Variants in HPS6 observed in about 807,000 individuals in gnomAD.
HPS6 encodes the protein HPS6 biogenesis of lysosomal organelles complex 2 subunit 3, also known as BLOC-2 complex member HPS6.
A neutral mutation model predicts 53.6 loss-of-function variants in HPS6; 46 were observed. The ratio of observed to expected loss-of-function variants is 0.86; its 90% CI spans 0.68 to 1.10. HPS6 has a LOEUF of 1.10. Among genes scored for constraint, HPS6 ranks in the 50% least tolerant of loss-of-function variants. The pLI, the probability that HPS6 is intolerant of heterozygous loss-of-function variation, is 0.00. For synonymous variants in HPS6, 535 were observed against 470.8 expected (o/e 1.14, Z -1.77); for missense variants, 1,034 against 991.3 (o/e 1.04, Z -0.58).
Position 102,067,728 on chromosome 10 carries a change from C to A in HPS6, c.2254C>A (p.Pro752Thr), listed in dbSNP as rs367872565. The change falls in exon 1 of 1, where the codon CCA becomes ACA. Residue 752 changes from proline to threonine, a missense_variant. Physicochemically the swap from Pro to Thr is conservative, Grantham distance 38 (BLOSUM62 -1). Transcript: ENST00000299238. ...TGGGGCTCAAGGATGGCTGTCGGGC[C>A]CAGTTCTAAGCCCATATGAGGACAT... ...QTGAQGWLSG[P>T]VLSPYEDILW... 3.7e-6 allele frequency: 6 copies of A among 1,613,392 alleles called. No individual in the cohort carries two copies. The highest frequency in any genetic ancestry group is 5.1e-6 in the Non-Finnish European group (6 of 1,180,028).
rs2067982752 is a variant in HPS6, at chr10:102,067,729, C to G, written c.2255C>G (p.Pro752Arg). ...QTGAQGWLSG[P>R]VLSPYEDILW... ...GGGGCTCAAGGATGGCTGTCGGGCC[C>G]AGTTCTAAGCCCATATGAGGACATC... Residue 752 changes from proline (P) to arginine (R), a missense_variant, in exon 1 of 1, where the codon CCA becomes CGA. By Grantham distance (103) the Pro-to-Arg change is moderately radical. Coordinates refer to ENST00000299238, the MANE Select transcript of HPS6 (RefSeq NM_024747.6). The G allele has an allele frequency of 6.2e-7, 1 of 1,613,286 alleles. No individual in the cohort carries two copies. The highest frequency in any genetic ancestry group is 8.5e-7 in the Non-Finnish European group (1 of 1,180,050).
Position 102,066,157 on chromosome 10 carries a change from T to G in HPS6, c.683T>G (p.Val228Gly). 1.9e-6 allele frequency: 3 copies of G among 1,613,856 alleles called. No individual in the cohort carries two copies. Among genetic ancestry groups the G allele is most frequent in the Non-Finnish European group, 2.5e-6 (3 of 1,180,036 alleles). The part of the protein sequence containing the change: ...IWSPGKGKVM[V>G]AAPRLGLSYS... The stretch of plus-strand genomic sequence containing the variant: ...AGCCCAGGCAAGGGCAAAGTGATGG[T>G]GGCTGCCCCACGGCTTGGTCTCTCC... The change falls in exon 1 of 1, where the codon GTG becomes GGG. Residue 228 changes from valine to glycine, a missense_variant. Transcript: ENST00000299238.
chr10:102,066,533 A>G lies in HPS6; in HGVS notation c.1059A>G (p.Val353=). The G allele has an allele frequency of 6.2e-7, 1 of 1,614,166 alleles. No homozygotes were observed. Among genetic ancestry groups the G allele is most frequent in the Non-Finnish European group, 8.5e-7 (1 of 1,180,036 alleles). ...LERKVLSTDR[V]HLLEPPAPGM... is the part of the protein sequence containing the mutation. ...GGAAGGTCCTAAGTACAGACAGGGT[A>G]CATCTGCTAGAACCGCCAGCCCCCG... The change falls in exon 1 of 1, where the codon GTA becomes GTG. Residue 353 remains valine (V), a synonymous_variant. Transcript: ENST00000299238.
In HPS6 at chr10:102,066,224, C is replaced by T; in HGVS notation, c.750C>T (p.Asp250=). 1 of 1,613,896 alleles carries T rather than the reference C, an allele frequency of 6.2e-7. No individual in the cohort carries two copies. Among genetic ancestry groups the T allele is most frequent in the Non-Finnish European group, 8.5e-7 (1 of 1,180,024 alleles). The change falls in exon 1 of 1, where the codon GAC becomes GAT. Residue 250 remains aspartate (D), a synonymous_variant. Transcript: ENST00000299238. ...ATCCTGGACGAGGGGACACATGGGA[C>T]TTCCGGACCCTGCTCCGAGGCCTTC... ...SLNPGRGDTW[D]FRTLLRGLPG...
chr10:102,067,269 G>A lies in HPS6; in HGVS notation c.1795G>A (p.Gly599Ser), dbSNP rs1325797723. Residue 599 changes from glycine to serine, a missense_variant, in exon 1 of 1, where the codon GGC becomes AGC. By Grantham distance (56) the Gly-to-Ser change is moderately conservative (BLOSUM62 0). Transcript: ENST00000299238. ...QQGGPGWGAG[G>S]PGLPLYRRAL... is the part of the protein sequence containing the mutation. Reference sequence around the variant, plus strand: ...GGGCGGGCCGGGCTGGGGGGCAGGGGGCCCAGGACTGCCCCTGTATCGCCG... The same window carrying A: ...GGGCGGGCCGGGCTGGGGGGCAGGGAGCCCAGGACTGCCCCTGTATCGCCG... 1 of 1,612,880 alleles carries A rather than the reference G, an allele frequency of 6.2e-7. No individual in the cohort carries two copies. The highest frequency in any genetic ancestry group is 8.5e-7 in the Non-Finnish European group (1 of 1,179,820).
rs1194293687 is a variant in HPS6 at position 102,065,451 on chromosome 10, G to A, written c.-24G>A. The A allele has an allele frequency of 6.5e-7, 1 of 1,544,542 alleles. No homozygotes were observed. The highest frequency in any genetic ancestry group is 1.2e-5 in the South Asian group (1 of 84,034). The stretch of plus-strand genomic sequence containing the variant: ...GGCGGCTGGACCTGGGCAAAGCCTG[G>A]GCGCGCTCCCGCGCAGCGGCGCCAT... On this transcript the variant is annotated 5_prime_UTR_variant, in exon 1 of 1. Coordinates refer to ENST00000299238, the MANE Select transcript of HPS6 (RefSeq NM_024747.6).
rs2067959288 is a variant in HPS6 at position 102,065,383 on chromosome 10, T to C, written c.-92T>C. On this transcript the variant is annotated 5_prime_UTR_variant, in exon 1 of 1. Coordinates refer to ENST00000299238, the MANE Select transcript of HPS6 (RefSeq NM_024747.6). ...CCTCATCCACGGGAGACGGAAGTCT[T>C]GGCCCTGCTCCGCTCCCCCGAGAAT... The C allele has an allele frequency of 1.4e-5, 18 of 1,322,620 alleles. 1 individual carries two copies. The South Asian group carries it at 2.4e-4, about 17-fold the overall frequency. 81.9% of individuals were successfully genotyped at this position (1,322,620 alleles called of 1,614,324 possible).
At position 102,067,503 on chromosome 10, in the gene HPS6, G is replaced by A. The variant is rs373272114; in HGVS notation, c.2029G>A (p.Glu677Lys). 788 of 1,613,756 alleles carry A rather than the reference G, an allele frequency of 4.9e-4. 9 individuals are homozygous for A. The South Asian group carries it at 6.9e-3, about 14-fold the overall frequency. The stretch of plus-strand genomic sequence containing the variant: ...TGAAATCTTCAAACTGCTGCTGGCC[G>A]AGTTTGCCCAGCACCGCCGGCTTGA... ...RSEIFKLLLA[E>K]FAQHRRLDAH... Residue 677 changes from glutamate (E) to lysine (K), a missense_variant, in exon 1 of 1, where the codon GAG (glutamate) becomes AAG (lysine). Physicochemically the swap from Glu to Lys is moderately conservative, Grantham distance 56. Coordinates refer to ENST00000299238, the MANE Select transcript of HPS6 (RefSeq NM_024747.6).
At position 102,068,027 on chromosome 10, in the gene HPS6, G is replaced by A. The variant is rs561813907; in HGVS notation, c.*225G>A. ...GATGTGTGTGTTAAATATATACATA[G>A]TTTAATATATACACAGTTGTGTGTT... On this transcript the variant is annotated 3_prime_UTR_variant, in exon 1 of 1. Transcript: ENST00000299238. 9 of 632,782 alleles carry A rather than the reference G, an allele frequency of 1.4e-5. No homozygotes were observed. The highest frequency in any genetic ancestry group is 1.3e-4 in the African/African-American group (7 of 54,716). 39.2% of individuals were successfully genotyped at this position (632,782 alleles called of 1,614,324 possible).
In HPS6 at chr10:102,067,416, C is replaced by A; in HGVS notation, c.1942C>A (p.Gln648Lys). The change falls in exon 1 of 1, where the codon CAA becomes AAA. Residue 648 changes from glutamine (Q) to lysine (K), a missense_variant. Transcript: ENST00000299238. ...TGTCGGGCAGCTGGTGCAAAAGGAA[C>A]AATGGGATCGGGCTCTGGATGCTGG... The part of the protein sequence containing the change: ...QAVGQLVQKE[Q>K]WDRALDAGLA... The A allele has an allele frequency of 6.2e-7, 1 of 1,613,150 alleles. No homozygotes were observed. The highest frequency in any genetic ancestry group is 8.5e-7 in the Non-Finnish European group (1 of 1,180,026).
rs1206569478 is a variant in HPS6, at chr10:102,065,898, G to C, written c.424G>C (p.Glu142Gln). Residue 142 changes from glutamate (E) to glutamine (Q), a missense_variant, in exon 1 of 1, where the codon GAG (glutamate) becomes CAG (glutamine). Coordinates refer to ENST00000299238, the MANE Select transcript of HPS6 (RefSeq NM_024747.6). ...AALRGRLVWC[E>Q]ERQARAEGPS... ...GCTCCGAGGCCGCCTGGTGTGGTGC[G>C]AGGAGCGGCAGGCCCGGGCCGAGGG... is the stretch of plus-strand genomic sequence containing the variant. 4 of 1,542,262 alleles carry C rather than the reference G, an allele frequency of 2.6e-6. No individual in the cohort carries two copies. The highest frequency in any genetic ancestry group is 1.9e-5 in the Admixed American group (1 of 51,444).
chr10:102,067,633 C>G lies in HPS6; in HGVS notation c.2159C>G (p.Thr720Ser), dbSNP rs747134186. 1 of 1,613,882 alleles carries G rather than the reference C, an allele frequency of 6.2e-7. No homozygotes were observed. Among genetic ancestry groups the G allele is most frequent in the Non-Finnish European group, 8.5e-7 (1 of 1,180,044 alleles). ...CTCCCAGATGAGGTGGGGCCCCCAACCCCATTCCCTGAGCCTGGAGCAGAG... is the reference window on the plus strand; with the variant it reads ...CTCCCAGATGAGGTGGGGCCCCCAAGCCCATTCCCTGAGCCTGGAGCAGAG... ...TYLPDEVGPP[T>S]PFPEPGAEPP... Residue 720 changes from threonine to serine, a missense_variant, in exon 1 of 1, where the codon ACC becomes AGC. Transcript: ENST00000299238.
In HPS6 at chr10:102,067,745, T is replaced by G; in HGVS notation, c.2271T>G (p.Tyr757Ter). 15 of 1,613,180 alleles carry G rather than the reference T, an allele frequency of 9.3e-6. No individual in the cohort carries two copies. Among genetic ancestry groups the G allele is most frequent in the Non-Finnish European group, 1.3e-5 (15 of 1,179,994 alleles). Residue 757 changes from tyrosine to a stop codon, truncating the protein, a stop_gained, in exon 1 of 1, where the codon TAT (tyrosine) becomes TAG (stop). Coordinates refer to ENST00000299238, the MANE Select transcript of HPS6 (RefSeq NM_024747.6). LOFTEE classifies it high-confidence loss of function. The part of the protein sequence containing the change: ...GWLSGPVLSP[Y>*]EDILWDPSTP... ...TGTCGGGCCCAGTTCTAAGCCCATA[T>G]GAGGACATCCTATGGGACCCCAGCA... is the stretch of plus-strand genomic sequence containing the variant.
rs372702602 is a variant in HPS6 at position 102,066,725 on chromosome 10, G to T, written c.1251G>T (p.Arg417=). The T allele has an allele frequency of 3.7e-6, 6 of 1,613,968 alleles. No homozygotes were observed. Among genetic ancestry groups the T allele is most frequent in the Non-Finnish European group, 1.7e-6 (2 of 1,180,042 alleles). The part of the protein sequence containing the change: ...ACGYYQRRSL[R]GAQLTPEELR... ...GGTACTACCAGCGGCGGAGCCTGCGGGGTGCCCAGCTCACTCCAGAAGAAC... is the reference window on the plus strand; with the variant it reads ...GGTACTACCAGCGGCGGAGCCTGCGTGGTGCCCAGCTCACTCCAGAAGAAC... The change falls in exon 1 of 1, where the codon CGG becomes CGT. Residue 417 remains arginine (R), a synonymous_variant. Coordinates refer to ENST00000299238, the MANE Select transcript of HPS6 (RefSeq NM_024747.6).
rs375791336 is a variant in HPS6 at position 102,067,540 on chromosome 10, C to T, written c.2066C>T (p.Pro689Leu). The T allele has an allele frequency of 3.0e-5, 48 of 1,613,600 alleles. No homozygotes were observed. In the African/African-American group the frequency reaches 5.7e-4, roughly 19 times the overall value. Residue 689 changes from proline (P) to leucine (L), a missense_variant, in exon 1 of 1, where the codon CCC becomes CTC. Transcript: ENST00000299238. ...AQHRRLDAHL[P>L]LLCRLCPPEL... is the part of the protein sequence containing the mutation. The stretch of plus-strand genomic sequence containing the variant: ...CACCGCCGGCTTGATGCTCACCTCC[C>T]CCTCCTTTGCCGCCTGTGCCCACCA...
rs1283138056 is a variant in HPS6, at chr10:102,065,886, C to T, written c.412C>T (p.Leu138=). The T allele has an allele frequency of 6.5e-7, 1 of 1,536,878 alleles. No homozygotes were observed. The highest frequency in any genetic ancestry group is 2.4e-5 in the East Asian group (1 of 41,400). ...GGCAGTGGCGGCGCTCCGAGGCCGC[C>T]TGGTGTGGTGCGAGGAGCGGCAGGC... The part of the protein sequence containing the change: ...VVAVAALRGR[L]VWCEERQARA... Residue 138 remains leucine, a synonymous_variant, in exon 1 of 1, where the codon CTG becomes TTG. Coordinates refer to ENST00000299238, the MANE Select transcript of HPS6 (RefSeq NM_024747.6).
At position 102,066,588 on chromosome 10, in the gene HPS6, C is replaced by T. The variant is rs776754431; in HGVS notation, c.1114C>T (p.Arg372Ter). 3 of 1,613,964 alleles carry T rather than the reference C, an allele frequency of 1.9e-6. No homozygotes were observed. Among genetic ancestry groups the T allele is most frequent in the African/African-American group, 1.3e-5 (1 of 74,936 alleles). ...GMEDEEELETRGNLRLLSALG... is the reference protein window; with the variant it reads ...GMEDEEELET ...GGAGGATGAGGAAGAGCTGGAGACC[C>T]GAGGGAATCTTCGTCTGCTTTCAGC... Residue 372 changes from arginine to a stop codon, truncating the protein, a stop_gained, in exon 1 of 1, where the codon CGA becomes TGA. Coordinates refer to ENST00000299238, the MANE Select transcript of HPS6 (RefSeq NM_024747.6). LOFTEE classifies it high-confidence loss of function.
chr10:102,066,483 A>G lies in HPS6; in HGVS notation c.1009A>G (p.Met337Val), dbSNP rs773092690. 6.2e-7 allele frequency: 1 copy of G among 1,614,186 alleles called. No individual in the cohort carries two copies. ...GGGCTCCACATTGGAACTGCTGGAC[A>G]TGGGCAGTGGGCAGCTGCTGGAGAG... ...VLGSTLELLDMGSGQLLERKV... is the reference protein window; with the variant it reads ...VLGSTLELLDVGSGQLLERKV... The change falls in exon 1 of 1, where the codon ATG becomes GTG. Residue 337 changes from methionine to valine, a missense_variant. Physicochemically the swap from Met to Val is conservative, Grantham distance 21. Coordinates refer to ENST00000299238, the MANE Select transcript of HPS6 (RefSeq NM_024747.6).
Position 102,066,945 on chromosome 10 carries a change from G to C in HPS6, c.1471G>C (p.Ala491Pro). The C allele has an allele frequency of 6.2e-7, 1 of 1,614,182 alleles. No individual in the cohort carries two copies. The highest frequency in any genetic ancestry group is 1.3e-5 in the African/African-American group (1 of 75,034). ...GWTELAEQEV[A>P]RLLRTELIGD... ...GACTGAGCTGGCGGAGCAGGAAGTG[G>C]CACGCCTGCTGAGGACTGAGTTGAT... The change falls in exon 1 of 1, where the codon GCA becomes CCA. Residue 491 changes from alanine to proline, a missense_variant. Transcript: ENST00000299238.
Sources: allele counts gnomAD v4.1 joint callset, GRCh38; gene constraint gnomAD v4.1.1; transcripts MANE v1.5; gene names NCBI Gene and HGNC (gene_info 2026-07-23, HGNC 2026-07-21).